The following PIK3C2A variants were observed in gnomAD, a reference collection of about 807,000 sequenced individuals.
The protein encoded by PIK3C2A is phosphatidylinositol-4-phosphate 3-kinase catalytic subunit type 2 alpha, also known as phosphatidylinositol 4-phosphate 3-kinase C2 domain-containing subunit alpha.
Under a neutral mutation model 204.5 loss-of-function variants are expected in PIK3C2A, and 97 were observed. The observed-to-expected ratio is 0.47, with a 90% confidence interval of 0.40 to 0.56. The LOEUF is 0.56. Ranked by LOEUF, PIK3C2A falls within the 20% of genes least tolerant of loss-of-function variation. The pLI is 0.00. For synonymous variants in PIK3C2A, 653 were observed against 664.4 expected, an observed-to-expected ratio of 0.98 and a Z score of 0.26; for missense variants, 1,735 against 1,969.2, an observed-to-expected ratio of 0.88 and a Z score of 2.25.
intron 19 of PIK3C2A, 95 bp downstream of exon 19, chr11:17,117,396 G>T: frequency 1.0e-5 from 8 of 763,164 alleles, no homozygotes; most frequent in Non-Finnish European, 1.7e-5. Flanking sequence ...TCTACTGGGA[G>T]TCTACCAATA....
chr11:17,114,191 G>C (rs1849098622), intron 20 of PIK3C2A, among the ~76,000 whole-genome samples, 170 bp downstream of exon 20: 1 of 151,878 alleles, frequency 6.6e-6, no homozygotes, highest in African/African-American at 2.4e-5. Context: ...AGGAATGGTG[G>C]TTAGGTAAAA....
At chr11:17,129,866 C>G (rs1193215532) in intron 12 of PIK3C2A, among the ~76,000 whole-genome samples, 1 of 152,278 alleles carries the variant, frequency 6.6e-6, no homozygotes, top group African/African-American at 2.4e-5. Flanking sequence ...GGATTACAGG[C>G]GTGAGCCACC....
chr11:17,154,673 A>C (rs913678304), intron 3 of PIK3C2A, among the ~76,000 whole-genome samples: 3 of 152,086 alleles, frequency 2.0e-5, no homozygotes, highest in Non-Finnish European at 4.4e-5. Context: ...CTTCTCTGCT[A>C]CTGAGACCAT....
In PIK3C2A at chr11:17,129,481, A is replaced by G; in HGVS notation, c.2232-14T>C. 6.5e-7 allele frequency: 1 copy of G among 1,532,938 alleles called. No individual in the cohort carries two copies. The highest frequency in any genetic ancestry group is 9.0e-7 in the Non-Finnish European group (1 of 1,110,906). The allele number at this position is 1,532,938 out of a possible 1,614,324, so 95.0% of individuals were successfully genotyped here. A position where few individuals can be genotyped will look rare whatever the true frequency, so the allele number is the denominator to read the frequency against. On this transcript the variant is annotated splice_polypyrimidine_tract_variant and intron_variant, in intron 12 of 32. Transcript: ENST00000691414. ...GGAAAAATGATTCTATGGGGGGAAA[A>G]ATGTATTAATAGAACAAATTAGATT...
rs61761998 is a variant in PIK3C2A at position 17,170,565 on chromosome 11, AT to A, written c.-65-760del. Among the ~76,000 whole-genome samples, 347 of 152,334 alleles carry A rather than the reference AT, an allele frequency of 2.3e-3. 1 individual carries two copies. Among genetic ancestry groups the A allele is most frequent in the African/African-American group, 8.2e-3 (339 of 41,576 alleles). On this transcript the variant is annotated intron_variant, in intron 1 of 32. Coordinates refer to ENST00000691414, the MANE Select transcript of PIK3C2A (RefSeq NM_002645.4). ...TTTCTCCTTTTCAAAATCCTTAAAT[AT>A]TTTTATTCTTCACGAAAAGATGAGA...
At chr11:17,130,706 C>T (rs1218685129) in intron 12 of PIK3C2A, among the ~76,000 whole-genome samples, 3 of 150,234 alleles carry the variant, frequency 2.0e-5, no homozygotes, top group Non-Finnish European at 2.9e-5. Flanking sequence ...ACTCAGGAGG[C>T]TGAGGCAGGA....
At chr11:17,101,235 G>A (rs1256690494) in intron 25 of PIK3C2A, 43 bp downstream of exon 25, 2 of 1,057,242 alleles carry the variant, frequency 1.9e-6, no homozygotes, top group Non-Finnish European at 2.7e-6. Flanking sequence ...AAACATAGAT[G>A]CATTAATATA....
At chr11:17,179,129 T>TCCCATCTCA (rs1225450021) in intron 1 of PIK3C2A, among the ~76,000 whole-genome samples, 1 of 151,860 alleles carries the variant, frequency 6.6e-6, no homozygotes, top group Non-Finnish European at 1.5e-5. Context: ...CCTCCCAAAA[T>TCCCATCTCA]GCTGGGATTA....
chr11:17,126,002 TAA>T (rs1849509694), intron 13 of PIK3C2A, among the ~76,000 whole-genome samples: 1 of 151,986 alleles, frequency 6.6e-6, no homozygotes, highest in African/African-American at 2.4e-5. Context: ...CACACACCTG[TAA>T]TCTCAGCTAC....
At chr11:17,203,366 A>G (rs1398706271) in intron 1 of PIK3C2A, among the ~76,000 whole-genome samples, 1 of 152,082 alleles carries the variant, frequency 6.6e-6, no homozygotes, top group East Asian at 1.9e-4. Flanking sequence ...AAGAAATAAC[A>G]TACTGTAGAA....
chr11:17,139,051 G>A (rs1248254021), intron 8 of PIK3C2A, among the ~76,000 whole-genome samples: 1 of 151,810 alleles, frequency 6.6e-6, no homozygotes, highest in Non-Finnish European at 1.5e-5. Flanking sequence ...GGGATTACAG[G>A]TGCCTGCCAC....
chr11:17,097,016 A>G (rs1330875985), intron 27 of PIK3C2A, 41 bp downstream of exon 27: 2 of 1,169,052 alleles, frequency 1.7e-6, no homozygotes, highest in Non-Finnish European at 2.6e-6. Flanking sequence ...GACAACAATA[A>G]TACATGCATG....
In PIK3C2A at chr11:17,119,263, A is replaced by G. The variant is rs757321601; in HGVS notation, c.2897T>C (p.Ile966Thr). The stretch of plus-strand genomic sequence containing the variant: ...AAGATCTGTTAGCTCATCATCACTA[A>G]TGGCCTCAATCCAGGTCACAGCTAG... ...RSLAVTWIEA[I>T]SDDELTDLLP... The change falls in exon 17 of 33, where the codon ATT becomes ACT. Residue 966 changes from isoleucine to threonine, a missense_variant. Physicochemically the swap from Ile to Thr is moderately conservative, Grantham distance 89. This residue lies in a region of PIK3C2A where 567 missense variants were observed against 576.0 expected (regional missense o/e 0.98). Transcript: ENST00000691414. 9.3e-6 allele frequency: 15 copies of G among 1,609,458 alleles called. No individual in the cohort carries two copies. The highest frequency in any genetic ancestry group is 1.3e-5 in the African/African-American group (1 of 74,950).
intron 2 of PIK3C2A, among the ~76,000 whole-genome samples, chr11:17,167,678 T>C (rs1172722560): frequency 6.6e-6 from 1 of 152,186 alleles, no homozygotes; most frequent in Non-Finnish European, 1.5e-5. Context: ...ATCCAAATCA[T>C]GCAAAATCCA....
intron 2 of PIK3C2A, among the ~76,000 whole-genome samples, chr11:17,160,045 C>T (rs542286615): frequency 1.3e-5 from 2 of 152,274 alleles, no homozygotes; most frequent in Admixed American, 6.5e-5. Context: ...CCCAAAAACA[C>T]GCTCATAGAA....
intron 1 of PIK3C2A, among the ~76,000 whole-genome samples, chr11:17,187,696 G>C (rs1367185739): frequency 6.6e-6 from 1 of 152,126 alleles, no homozygotes; most frequent in African/African-American, 2.4e-5. Flanking sequence ...AATAGGAAGA[G>C]GTGGTATCAG....
intron 1 of PIK3C2A, among the ~76,000 whole-genome samples, chr11:17,192,781 C>T (rs1400399470): frequency 2.0e-5 from 3 of 152,208 alleles, no homozygotes; most frequent in African/African-American, 7.2e-5. Flanking sequence ...CATCACTAGT[C>T]AACCTTTTAT....
intron 2 of PIK3C2A, 90 bp downstream of exon 2, chr11:17,168,586 CA>C: frequency 2.2e-6 from 2 of 902,118 alleles, no homozygotes; most frequent in Middle Eastern, 2.5e-4. Context: ...TTCTTAAAAA[CA>C]AAAACAAAAA....
chr11:17,120,247 A>C (rs1293476936), intron 15 of PIK3C2A, among the ~76,000 whole-genome samples: 1 of 152,106 alleles, frequency 6.6e-6, no homozygotes, highest in Non-Finnish European at 1.5e-5. Flanking sequence ...ATTGAGCTCT[A>C]ACTAGATGCC....
Sources: allele counts gnomAD v4.1 joint callset (sites outside exome capture counted in the v4.1 genomes callset), GRCh38; gene constraint gnomAD v4.1.1; regional missense constraint gnomAD v4.1.1; transcripts MANE v1.5; gene names NCBI Gene and HGNC (gene_info 2026-07-23, HGNC 2026-07-21).